SRP72: variants seen among roughly 807,000 people sequenced by gnomAD.
SRP72 encodes the protein signal recognition particle subunit SRP72.
SRP72 carries 49 observed loss-of-function variants against 96.3 expected under a neutral mutation model. The observed-to-expected ratio is 0.51, with a 90% CI of 0.40 to 0.65. The LOEUF (loss-of-function observed/expected upper bound fraction) is 0.65. Ranked by LOEUF, SRP72 falls within the 30% of genes least tolerant of loss-of-function variation. The probability of loss-of-function intolerance (pLI) is 0.00; values close to 1 mark genes in which losing one functional copy is unlikely to be tolerated. For missense variants in SRP72, 736 were observed against 793.3 expected (o/e 0.93, Z 0.87); for synonymous variants, 267 against 275.2 (o/e 0.97, Z 0.30).
intron 17 of SRP72, among the ~76,000 whole-genome samples, chr4:56,497,388 T>C (rs1721114831): frequency 6.6e-6 from 1 of 151,468 alleles, no homozygotes; most frequent in South Asian, 2.1e-4. Flanking sequence ...CCCAGCTAAT[T>C]TTTTGTATTT....
rs1279033888 is a variant in SRP72 at position 56,471,813 on chromosome 4, A to G, written c.324A>G (p.Thr108=). Residue 108 remains threonine, a synonymous_variant, in exon 3 of 19, where the codon ACA becomes ACG. Transcript: ENST00000642900. The stretch of plus-strand genomic sequence containing the variant: ...CAATAGAAAGTGCCAACCAGCAGAC[A>G]GACAAACTGAAGGAGCTTTATGGAC... ...LKTIESANQQ[T]DKLKELYGQV... The G allele has an allele frequency of 6.2e-7, 1 of 1,613,962 alleles. No homozygotes were observed. Among genetic ancestry groups the G allele is most frequent in the Non-Finnish European group, 8.5e-7 (1 of 1,179,978 alleles).
In SRP72 at chr4:56,502,313, T is replaced by A. The variant is rs1432589364; in HGVS notation, c.*452T>A. ...CTTCTGAGCATTCCTAAATATCTGC[T>A]TAGAAATATCATGTGATAAAGAGGG... On this transcript the variant is annotated 3_prime_UTR_variant, in exon 19 of 19. Coordinates refer to ENST00000642900, the MANE Select transcript of SRP72 (RefSeq NM_006947.4). The A allele has an allele frequency of 6.4e-6, 1 of 156,430 alleles. No homozygotes were observed. Among genetic ancestry groups the A allele is most frequent in the Non-Finnish European group, 1.4e-5 (1 of 70,726 alleles). 9.7% of individuals were successfully genotyped at this position (156,430 alleles called of 1,614,324 possible). A position where few individuals can be genotyped will look rare whatever the true frequency, so the allele number is the denominator to read the frequency against.
chr4:56,468,785 C>T (rs960946071), intron 1 of SRP72, among the ~76,000 whole-genome samples: 2 of 152,156 alleles, frequency 1.3e-5, no homozygotes, highest in African/African-American at 4.8e-5. Context: ...TAACTCTAGC[C>T]TTCCAACCAG....
At chr4:56,484,051 T>TTTTTTTTTTTTTTTTTTTTTC (rs1560682047) in intron 9 of SRP72, among the ~76,000 whole-genome samples, 3 of 142,798 alleles carry the variant, frequency 2.1e-5, no homozygotes, top group African/African-American at 7.9e-5. Context: ...TTTTTTTTTT[T>TTTTTTTTTTTTTTTTTTTTTC]GAGATGGAGT....
intron 5 of SRP72, among the ~76,000 whole-genome samples, chr4:56,475,116 A>C (rs905967882): frequency 1.9e-4 from 29 of 152,204 alleles, no homozygotes; most frequent in Non-Finnish European, 1.0e-4. Context: ...TGCAGTGATC[A>C]CTGGGGTGGA....
chr4:56,472,866 TAATGGACTA>T (rs1358381427), intron 3 of SRP72, among the ~76,000 whole-genome samples: 3 of 152,190 alleles, frequency 2.0e-5, no homozygotes, highest in Admixed American at 6.5e-5. Flanking sequence ...GTGTCATACA[TAATGGACTA>T]ATTGACCTAG....
At position 56,474,267 on chromosome 4, in the gene SRP72, T is replaced by C; in HGVS notation, c.499-13T>C. ...CATATTTAGTATTTAACTGGTATTT[T>C]GTCCCCTGACAGGAGAACCTGGGCC... On this transcript the variant is annotated splice_polypyrimidine_tract_variant and intron_variant, in intron 4 of 18. Transcript: ENST00000642900. The C allele has an allele frequency of 2.5e-6, 4 of 1,613,812 alleles. No individual in the cohort carries two copies. Among genetic ancestry groups the C allele is most frequent in the Non-Finnish European group, 3.4e-6 (4 of 1,179,860 alleles).
chr4:56,492,323 C>G (rs1255613523), intron 16 of SRP72, among the ~76,000 whole-genome samples: 1 of 152,064 alleles, frequency 6.6e-6, no homozygotes, highest in Non-Finnish European at 1.5e-5. Context: ...TATATGATTT[C>G]TTTTGCTGAT....
At position 56,497,116 on chromosome 4, in the gene SRP72, T is replaced by C. The variant is rs1407901049; in HGVS notation, c.1678+1722T>C. ...TTATAAAATTGTTTTGAACATAATA[T>C]AATTTGTTTGTTTTAATCTTCTACT... On this transcript the variant is annotated intron_variant, in intron 17 of 18. Transcript: ENST00000642900. Among the ~76,000 whole-genome samples, 3 of 152,194 alleles carry C rather than the reference T, an allele frequency of 2.0e-5. No homozygotes were observed. In the South Asian group the frequency reaches 6.2e-4, roughly 31 times the overall value.
chr4:56,498,889 C>T (rs1477942313), intron 17 of SRP72, among the ~76,000 whole-genome samples: 1 of 152,190 alleles, frequency 6.6e-6, no homozygotes, highest in Non-Finnish European at 1.5e-5. Flanking sequence ...CTGCCATTGA[C>T]TTTCTTCACA....
intron 1 of SRP72, among the ~76,000 whole-genome samples, chr4:56,468,681 T>C (rs1262334665): frequency 6.6e-6 from 1 of 152,200 alleles, no homozygotes; most frequent in Non-Finnish European, 1.5e-5. Context: ...ACGTGAAAAG[T>C]AGTGATTGTG....
chr4:56,484,026 A>ATTTTTT (rs539665243), intron 9 of SRP72, among the ~76,000 whole-genome samples: 1,318 of 86,530 alleles, frequency 0.015, 214 homozygotes, highest in African/African-American at 0.062. Flanking sequence ...AGAAGCAGTA[A>ATTTTTT]TTTTTTTTTT....
At chr4:56,470,828 GT>G (rs569643683) in intron 2 of SRP72, among the ~76,000 whole-genome samples, 1,418 of 130,184 alleles carry the variant, frequency 0.011, 11 homozygotes, top group African/African-American at 0.032. Flanking sequence ...TTGGATAAAA[GT>G]TTTTTTTTTT....
intron 2 of SRP72, among the ~76,000 whole-genome samples, chr4:56,470,139 T>C (rs1330747918): frequency 6.6e-6 from 1 of 152,096 alleles, no homozygotes; most frequent in Non-Finnish European, 1.5e-5. Flanking sequence ...GTATTGAAAT[T>C]AAGTTTGAAG....
In SRP72 at chr4:56,490,911, C is replaced by G. The variant is rs144034357; in HGVS notation, c.1502+266C>G. Among the ~76,000 whole-genome samples the G allele has an allele frequency of 4.8e-3, 733 of 152,254 alleles. 8 individuals carry two copies. The highest frequency in any genetic ancestry group is 0.017 in the African/African-American group (700 of 41,528). On this transcript the variant is annotated intron_variant, in intron 15 of 18. Transcript: ENST00000642900. The stretch of plus-strand genomic sequence containing the variant: ...TTTCCTCCAGGTTCAAGATCAGCAG[C>G]AAGGTAAAGAAAAAGCATATTTTAT...
At chr4:56,492,223 A>G (rs541440550) in intron 16 of SRP72, among the ~76,000 whole-genome samples, 2 of 152,264 alleles carry the variant, frequency 1.3e-5, no homozygotes, top group East Asian at 1.9e-4. Flanking sequence ...ATGTGGACCT[A>G]TTTCATCCTT....
chr4:56,497,546 A>G (rs1721119724), intron 17 of SRP72, among the ~76,000 whole-genome samples: 1 of 152,108 alleles, frequency 6.6e-6, no homozygotes, highest in African/African-American at 2.4e-5. Flanking sequence ...CCAATTGAAT[A>G]GCTTGCTATA....
At position 56,503,639 on chromosome 4, in the gene SRP72, T is replaced by C. The variant is rs1407901226; in HGVS notation, c.*1778T>C. On this transcript the variant is annotated 3_prime_UTR_variant, in exon 19 of 19. Coordinates refer to ENST00000642900, the MANE Select transcript of SRP72 (RefSeq NM_006947.4). ...AACCAGTATGGATACATCCATTCAC[T>C]GTGGTACATTTTAAAATAAAATATT... 1 of 152,234 alleles carries C rather than the reference T, an allele frequency of 6.6e-6. No homozygotes were observed. The highest frequency in any genetic ancestry group is 1.5e-5 in the Non-Finnish European group (1 of 68,040). 9.4% of individuals were successfully genotyped at this position (152,234 alleles called of 1,614,324 possible). A position where few individuals can be genotyped will look rare whatever the true frequency, so the allele number is the denominator to read the frequency against.
At chr4:56,469,368 T>C (rs530334869) in intron 1 of SRP72, among the ~76,000 whole-genome samples, 9 of 152,330 alleles carry the variant, frequency 5.9e-5, no homozygotes, top group Non-Finnish European at 1.2e-4. Flanking sequence ...TTCTTTCTTC[T>C]TTATTTCACT....
Sources: allele counts gnomAD v4.1 joint callset (sites outside exome capture counted in the v4.1 genomes callset), GRCh38; gene constraint gnomAD v4.1.1; transcripts MANE v1.5; gene names NCBI Gene and HGNC (gene_info 2026-07-23, HGNC 2026-07-21).